Variants in MAPK1IP1L observed in about 807,000 individuals in gnomAD.
The protein encoded by MAPK1IP1L is mitogen-activated protein kinase 1 interacting protein 1 like.
Under a neutral mutation model 18.1 loss-of-function variants are expected in MAPK1IP1L, and 10 were observed. The ratio of observed to expected loss-of-function variants is 0.55; its 90% confidence interval spans 0.34 to 0.94. The LOEUF is 0.94. Among genes scored for constraint, MAPK1IP1L ranks in the 40% least tolerant of loss-of-function variants. The probability of loss-of-function intolerance (pLI) is 0.02; values close to 1 mark genes in which losing one functional copy is unlikely to be tolerated. For synonymous variants in MAPK1IP1L, 115 were observed against 117.3 expected, an observed-to-expected ratio of 0.98 and a Z score of 0.13; for missense variants, 260 against 318.2, an observed-to-expected ratio of 0.82 and a Z score of 1.39.
rs1200869091 is a variant in MAPK1IP1L, at chr14:55,063,308, A to G, written c.709A>G (p.Met237Val). The G allele has an allele frequency of 1.2e-6, 2 of 1,611,302 alleles. No homozygotes were observed. Among genetic ancestry groups the G allele is most frequent in the East Asian group, 2.2e-5 (1 of 44,866 alleles). ...TTCAGGACCTTCTGGTGCTCCACCA[A>G]TGCCTGGTGGCCCCCATGTGAGTGT... is the stretch of plus-strand genomic sequence containing the variant. ...VPSGPSGAPP[M>V]PGGPHSYH Residue 237 changes from methionine (M) to valine (V), a missense_variant, in exon 3 of 4, where the codon ATG (methionine) becomes GTG (valine). Coordinates refer to ENST00000395468, the MANE Select transcript of MAPK1IP1L (RefSeq NM_144578.4).
chr14:55,063,795 A>T (rs929364803), intron 3 of MAPK1IP1L: 2 of 154,590 alleles, frequency 1.3e-5, no homozygotes, highest in Non-Finnish European at 2.9e-5. Context: ...CGAGCTCAAG[A>T]TTACACCCCT....
chr14:55,063,396 T>A (rs2042835960), intron 3 of MAPK1IP1L, 71 bp downstream of exon 3: 1 of 1,356,450 alleles, frequency 7.4e-7, no homozygotes, highest in African/African-American at 1.4e-5. Flanking sequence ...TCTCCCCAGT[T>A]TTGGATGGAA....
chr14:55,059,728 G>A (rs1210434862), intron 1 of MAPK1IP1L, among the ~76,000 whole-genome samples: 1 of 152,138 alleles, frequency 6.6e-6, no homozygotes, highest in African/African-American at 2.4e-5. Flanking sequence ...AACTTGCCAA[G>A]CTTCCTCTTC....
At chr14:55,056,845 G>A (rs554129211) in intron 1 of MAPK1IP1L, among the ~76,000 whole-genome samples, 1 of 152,282 alleles carries the variant, frequency 6.6e-6, no homozygotes, top group South Asian at 2.1e-4. Flanking sequence ...GGATATAGCA[G>A]TTGGGATAGG....
Position 55,066,613 on chromosome 14 carries a change from T to G in MAPK1IP1L, c.*1986T>G. On this transcript the variant is annotated 3_prime_UTR_variant, in exon 4 of 4. Transcript: ENST00000395468. ...TACAGTTATTTTGGCTGTCCTACATTGGGATAAGCTGACAAATTAGCAGTA... is the reference window on the plus strand; with the variant it reads ...TACAGTTATTTTGGCTGTCCTACATGGGGATAAGCTGACAAATTAGCAGTA... The G allele has an allele frequency of 6.6e-6, 1 of 152,330 alleles. No individual in the cohort carries two copies. The highest frequency in any genetic ancestry group is 3.4e-3 in the Middle Eastern group (1 of 294). 9.4% of individuals were successfully genotyped at this position (152,330 alleles called of 1,614,324 possible). A position where few individuals can be genotyped will look rare whatever the true frequency, so the allele number is the denominator to read the frequency against.
rs2042861887 is a variant in MAPK1IP1L at position 55,066,339 on chromosome 14, GA to G, written c.*1715del. The G allele has an allele frequency of 6.6e-6, 1 of 152,176 alleles. No individual in the cohort carries two copies. The highest frequency in any genetic ancestry group is 1.5e-5 in the Non-Finnish European group (1 of 68,020). 9.4% of individuals were successfully genotyped at this position (152,176 alleles called of 1,614,324 possible). The stretch of plus-strand genomic sequence containing the variant: ...ACTAGATGATAGATTCAAGCTTTTA[GA>G]AATGAGAAAGTAGAAACTAATTTGT... On this transcript the variant is annotated 3_prime_UTR_variant, in exon 4 of 4. Coordinates refer to ENST00000395468, the MANE Select transcript of MAPK1IP1L (RefSeq NM_144578.4).
In MAPK1IP1L at chr14:55,063,146, C is replaced by T. The variant is rs748702033; in HGVS notation, c.547C>T (p.Pro183Ser). 4 of 1,614,060 alleles carry T rather than the reference C, an allele frequency of 2.5e-6. No individual in the cohort carries two copies. In the South Asian group the frequency reaches 4.4e-5, roughly 18 times the overall value. The change falls in exon 3 of 4, where the codon CCT becomes TCT. Residue 183 changes from proline (P) to serine (S), a missense_variant. Physicochemically the swap from Pro to Ser is moderately conservative, Grantham distance 74. Coordinates refer to ENST00000395468, the MANE Select transcript of MAPK1IP1L (RefSeq NM_144578.4). Reference protein sequence around the residue: ...PYPAPPPPQAPGAAPPVPWGT... With the variant: ...PYPAPPPPQASGAAPPVPWGT... Reference sequence around the variant, plus strand: ...TCCCGCTCCTCCTCCTCCCCAAGCCCCTGGGGCAGCACCACCTGTTCCATG... The same window carrying T: ...TCCCGCTCCTCCTCCTCCCCAAGCCTCTGGGGCAGCACCACCTGTTCCATG...
At position 55,061,586 on chromosome 14, in the gene MAPK1IP1L, G is replaced by A. The variant is rs1450959526; in HGVS notation, c.-4-94G>A. Reference sequence around the variant, plus strand: ...AAGATTCCGCTTAAGTAATAATAATGTATGCATAGAAAGTTCCTTAAGGAA... The same window carrying A: ...AAGATTCCGCTTAAGTAATAATAATATATGCATAGAAAGTTCCTTAAGGAA... On this transcript the variant is annotated intron_variant, in intron 1 of 3. Coordinates refer to ENST00000395468, the MANE Select transcript of MAPK1IP1L (RefSeq NM_144578.4). The A allele has an allele frequency of 1.0e-5, 8 of 803,160 alleles. No homozygotes were observed. The African/African-American group carries it at 1.1e-4, about 11-fold the overall frequency. The allele number at this position is 803,160 out of a possible 1,614,324, so 49.8% of individuals were successfully genotyped here.
chr14:55,056,177 T>C (rs2042769998), intron 1 of MAPK1IP1L, among the ~76,000 whole-genome samples: 1 of 152,190 alleles, frequency 6.6e-6, no homozygotes, highest in South Asian at 2.1e-4. Context: ...CTTCCAGACT[T>C]GGATTTTGAA....
intron 1 of MAPK1IP1L, among the ~76,000 whole-genome samples, chr14:55,053,873 A>G (rs2042749993): frequency 6.6e-6 from 1 of 152,236 alleles, no homozygotes; most frequent in Non-Finnish European, 1.5e-5. Flanking sequence ...TATATGTTCC[A>G]ATAAGTATAT....
chr14:55,068,976 C>T lies in MAPK1IP1L; in HGVS notation c.*4349C>T, dbSNP rs889027344. The T allele has an allele frequency of 6.7e-6, 1 of 150,112 alleles. No individual in the cohort carries two copies. The highest frequency in any genetic ancestry group is 1.5e-5 in the Non-Finnish European group (1 of 67,770). 9.3% of individuals were successfully genotyped at this position (150,112 alleles called of 1,614,324 possible). A position where few individuals can be genotyped will look rare whatever the true frequency, so the allele number is the denominator to read the frequency against. ...ACTACTGGTGGAAATTGTAACCAGC[C>T]TTTGGGCATCTTAAAGGGTGACATG... On this transcript the variant is annotated 3_prime_UTR_variant, in exon 4 of 4. Coordinates refer to ENST00000395468, the MANE Select transcript of MAPK1IP1L (RefSeq NM_144578.4).
At chr14:55,058,598 A>T (rs1416772833) in intron 1 of MAPK1IP1L, among the ~76,000 whole-genome samples, 1 of 152,198 alleles carries the variant, frequency 6.6e-6, no homozygotes, top group Non-Finnish European at 1.5e-5. Context: ...TGGGAGGCTG[A>T]GGCGGGCGGA....
intron 2 of MAPK1IP1L, 94 bp from the exon 3 acceptor site, chr14:55,062,524 C>G: frequency 1.0e-6 from 1 of 986,074 alleles, no homozygotes; most frequent in Non-Finnish European, 1.5e-6. Flanking sequence ...TTTATAATCC[C>G]TGCCCCTATA....
chr14:55,051,733 G>T lies in MAPK1IP1L; in HGVS notation c.-75G>T. ...AGCTGCCGTCAGTCAGGCTGCGCCCGCGTCTTCAGGGCCCAGTCCCTCGGA... is the reference window on the plus strand; with the variant it reads ...AGCTGCCGTCAGTCAGGCTGCGCCCTCGTCTTCAGGGCCCAGTCCCTCGGA... On this transcript the variant is annotated 5_prime_UTR_variant, in exon 1 of 4. Coordinates refer to ENST00000395468, the MANE Select transcript of MAPK1IP1L (RefSeq NM_144578.4). The T allele has an allele frequency of 1.9e-6, 1 of 516,126 alleles. No individual in the cohort carries two copies. The highest frequency in any genetic ancestry group is 3.9e-6 in the Non-Finnish European group (1 of 259,410). 32.0% of individuals were successfully genotyped at this position (516,126 alleles called of 1,614,324 possible). A position where few individuals can be genotyped will look rare whatever the true frequency, so the allele number is the denominator to read the frequency against.
At chr14:55,057,866 TGGA>T (rs1370946452) in intron 1 of MAPK1IP1L, among the ~76,000 whole-genome samples, 5 of 151,654 alleles carry the variant, frequency 3.3e-5, no homozygotes, top group African/African-American at 1.2e-4. Flanking sequence ...GCCTGGGAGG[TGGA>T]GGTTGCAGTG....
chr14:55,056,789 G>A (rs772271961), intron 1 of MAPK1IP1L, among the ~76,000 whole-genome samples: 9 of 152,166 alleles, frequency 5.9e-5, no homozygotes, highest in Non-Finnish European at 1.0e-4. Flanking sequence ...GATTACAGGC[G>A]TGAGCCACCG....
Position 55,069,816 on chromosome 14 carries a change from T to A in MAPK1IP1L, c.*5189T>A, listed in dbSNP as rs1169739109. On this transcript the variant is annotated 3_prime_UTR_variant, in exon 4 of 4. Coordinates refer to ENST00000395468, the MANE Select transcript of MAPK1IP1L (RefSeq NM_144578.4). ...CAGATTATCCGTATATATGATAATA[T>A]GAAGTCAGGGAACTTTCTCTGTCTG... The A allele has an allele frequency of 6.6e-6, 1 of 152,224 alleles. No individual in the cohort carries two copies. The highest frequency in any genetic ancestry group is 2.4e-5 in the African/African-American group (1 of 41,456). The allele number at this position is 152,224 out of a possible 1,614,324, so 9.4% of individuals were successfully genotyped here.
At chr14:55,057,132 A>G (rs999842062) in intron 1 of MAPK1IP1L, among the ~76,000 whole-genome samples, 1 of 152,244 alleles carries the variant, frequency 6.6e-6, no homozygotes, top group Non-Finnish European at 1.5e-5. Flanking sequence ...AAAAATGGGA[A>G]TCATACTTAA....
rs1175351178 is a variant in MAPK1IP1L at position 55,062,687 on chromosome 14, C to T, written c.88C>T (p.Pro30Ser). The T allele has an allele frequency of 6.2e-7, 1 of 1,614,028 alleles. No individual in the cohort carries two copies. Among genetic ancestry groups the T allele is most frequent in the African/African-American group, 1.3e-5 (1 of 74,918 alleles). Reference protein sequence around the residue: ...SAVSNTKPGQPPQGWPGSNPW... With the variant: ...SAVSNTKPGQSPQGWPGSNPW... The stretch of plus-strand genomic sequence containing the variant: ...TGTGAGCAATACAAAACCTGGCCAA[C>T]CTCCTCAAGGCTGGCCAGGCTCCAA... The change falls in exon 3 of 4, where the codon CCT becomes TCT. Residue 30 changes from proline (P) to serine (S), a missense_variant. Physicochemically the swap from Pro to Ser is moderately conservative, Grantham distance 74. Coordinates refer to ENST00000395468, the MANE Select transcript of MAPK1IP1L (RefSeq NM_144578.4).
Sources: allele counts gnomAD v4.1 joint callset (sites outside exome capture counted in the v4.1 genomes callset), GRCh38; gene constraint gnomAD v4.1.1; transcripts MANE v1.5; gene names NCBI Gene and HGNC (gene_info 2026-07-23, HGNC 2026-07-21).